The following ARL15 variants were observed in gnomAD, a reference collection of about 807,000 sequenced individuals.
The protein encoded by ARL15 is ADP-ribosylation factor-like protein 15.
In ARL15, 19 loss-of-function variants were observed where a neutral mutation model predicts 25.2. The observed-to-expected ratio is 0.75, with a 90% confidence interval of 0.53 to 1.10. The LOEUF is 1.10. ARL15 is among the 50% of genes least tolerant of loss of function. ARL15 has a pLI of 0.00. For synonymous variants in ARL15, 94 were observed against 86.8 expected (o/e 1.08, Z -0.46); for missense variants, 220 against 246.0 (o/e 0.89, Z 0.71).
intron 3 of ARL15, among the ~76,000 whole-genome samples, chr5:54,152,344 T>G (rs772077613): frequency 6.6e-6 from 1 of 152,200 alleles, no homozygotes; most frequent in Non-Finnish European, 1.5e-5. Flanking sequence ...CTACACTTTA[T>G]ACAGGTTAGC....
At chr5:53,959,845 C>A (rs1174073147) in intron 4 of ARL15, among the ~76,000 whole-genome samples, 1 of 152,136 alleles carries the variant, frequency 6.6e-6, no homozygotes, top group Non-Finnish European at 1.5e-5. Flanking sequence ...ACACTTAGCA[C>A]TATCATAGGA....
intron 2 of ARL15, among the ~76,000 whole-genome samples, chr5:54,156,379 T>A (rs1197118208): frequency 1.3e-5 from 2 of 152,176 alleles, no homozygotes; most frequent in African/African-American, 4.8e-5. Context: ...CTTCATAGGG[T>A]TGTTATAAGG....
At chr5:53,946,455 GAAAA>G (rs55727717) in intron 4 of ARL15, among the ~76,000 whole-genome samples, 2 of 43,958 alleles carry the variant, frequency 4.5e-5, no homozygotes, top group East Asian at 8.0e-4. Flanking sequence ...GTCTCAAGAG[GAAAA>G]AAAAAAAAAA....
intron 1 of ARL15, among the ~76,000 whole-genome samples, chr5:54,229,712 TC>T (rs1756616457): frequency 6.6e-6 from 1 of 152,090 alleles, no homozygotes; most frequent in Admixed American, 6.5e-5. Context: ...GAAGAAGGAG[TC>T]TAGGTTAGCA....
intron 4 of ARL15, among the ~76,000 whole-genome samples, chr5:54,084,195 C>T (rs1475125063): frequency 1.3e-5 from 2 of 152,132 alleles, no homozygotes; most frequent in Non-Finnish European, 2.9e-5. Context: ...AGCCAGTGGG[C>T]TTGGCACTCT....
chr5:53,884,267 T>A lies in ARL15; in HGVS notation c.*2294A>T, dbSNP rs1399541268. On this transcript the variant is annotated 3_prime_UTR_variant, in exon 5 of 5. Transcript: ENST00000504924. ...GAAGAAATACATAACAGACTGTTTT[T>A]CCTATATAATATTTGAATATGCAAA... The A allele has an allele frequency of 1.3e-5, 2 of 152,184 alleles. No individual in the cohort carries two copies. Among genetic ancestry groups the A allele is most frequent in the Non-Finnish European group, 2.9e-5 (2 of 68,032 alleles). The allele number at this position is 152,184 out of a possible 1,614,324, so 9.4% of individuals were successfully genotyped here. A position where few individuals can be genotyped will look rare whatever the true frequency, so the allele number is the denominator to read the frequency against.
intron 3 of ARL15, among the ~76,000 whole-genome samples, chr5:54,127,779 C>T (rs1419524854): frequency 2.0e-5 from 3 of 151,630 alleles, no homozygotes; most frequent in Non-Finnish European, 4.4e-5. Context: ...TACTACAAGG[C>T]TACAGTAACC....
At chr5:54,290,328 G>C (rs1336584487) in intron 1 of ARL15, among the ~76,000 whole-genome samples, 1 of 143,208 alleles carries the variant, frequency 7.0e-6, no homozygotes, top group Non-Finnish European at 1.5e-5. Flanking sequence ...TTTTGAGGTA[G>C]AGTCTCACTC....
chr5:54,115,401 C>T (rs1752867925), intron 3 of ARL15, among the ~76,000 whole-genome samples: 2 of 152,072 alleles, frequency 1.3e-5, no homozygotes, highest in African/African-American at 4.8e-5. Context: ...CCTGCATCAG[C>T]CTCTTGGGTA....
intron 4 of ARL15, among the ~76,000 whole-genome samples, chr5:53,933,988 TTTACTC>T (rs1746278320): frequency 6.6e-6 from 1 of 152,202 alleles, no homozygotes; most frequent in African/African-American, 2.4e-5. Context: ...TAATTTTTCT[TTTACTC>T]TAACAATTTT....
chr5:54,019,631 T>C (rs1749532454), intron 4 of ARL15, among the ~76,000 whole-genome samples: 1 of 152,244 alleles, frequency 6.6e-6, no homozygotes, highest in Non-Finnish European at 1.5e-5. Context: ...CTTCTGCATA[T>C]GCATAATTCC....
intron 1 of ARL15, among the ~76,000 whole-genome samples, chr5:54,214,808 G>A (rs912309856): frequency 1.4e-4 from 21 of 152,222 alleles, no homozygotes; most frequent in African/African-American, 5.1e-4. Context: ...GCAGGAACCT[G>A]TGACTCTTGC....
chr5:54,138,234 T>C (rs1283781524), intron 3 of ARL15, among the ~76,000 whole-genome samples: 1 of 152,046 alleles, frequency 6.6e-6, no homozygotes, highest in Non-Finnish European at 1.5e-5. Context: ...TCCCAACATT[T>C]CGGGAGGCCA....
intron 4 of ARL15, among the ~76,000 whole-genome samples, chr5:54,051,225 CA>C (rs748653549): frequency 4.6e-5 from 7 of 152,128 alleles, no homozygotes; most frequent in Non-Finnish European, 8.8e-5. Context: ...GATTTTCTCA[CA>C]AAGAAACAGA....
intron 4 of ARL15, among the ~76,000 whole-genome samples, chr5:54,038,958 A>C (rs1015238446): frequency 6.6e-6 from 1 of 152,188 alleles, no homozygotes; most frequent in Non-Finnish European, 1.5e-5. Flanking sequence ...CTCTTCCTCC[A>C]TGCTTTGTAA....
intron 4 of ARL15, among the ~76,000 whole-genome samples, chr5:53,957,502 A>T (rs1472708722): frequency 2.0e-5 from 3 of 152,074 alleles, no homozygotes; most frequent in Non-Finnish European, 4.4e-5. Context: ...CTAGATAGTA[A>T]GTCAAAGCTA....
chr5:54,053,459 G>A (rs1255005024), intron 4 of ARL15, among the ~76,000 whole-genome samples: 1 of 151,772 alleles, frequency 6.6e-6, no homozygotes, highest in African/African-American at 2.4e-5. Flanking sequence ...CTCTAAGTAT[G>A]ACCTGTTTCC....
rs576411244 is a variant in ARL15, at chr5:54,024,777, G to GAT, written c.462+88423_462+88424dup. ...AAGAATTTGTAGTGTCAAGAAAAGA[G>GAT]ATATATATACAAATACATATGTATA... On this transcript the variant is annotated intron_variant, in intron 4 of 4. Coordinates refer to ENST00000504924, the MANE Select transcript of ARL15 (RefSeq NM_019087.3). 1.6e-4 allele frequency among the ~76,000 whole-genome samples: 24 copies of GAT among 152,038 alleles called. No homozygotes were observed. In the East Asian group the frequency reaches 4.3e-3, roughly 27 times the overall value.
chr5:54,245,948 G>A (rs189638349), intron 1 of ARL15, among the ~76,000 whole-genome samples: 1 of 152,132 alleles, frequency 6.6e-6, no homozygotes, highest in Admixed American at 6.5e-5. Context: ...TGATAATATT[G>A]TATCCAATTC....
Sources: gnomAD v4.1 joint callset for allele counts (sites outside exome capture counted in the v4.1 genomes callset) on GRCh38, gnomAD v4.1.1 for gene constraint, MANE v1.5 for transcripts, NCBI Gene and HGNC (gene_info 2026-07-23, HGNC 2026-07-21) for gene names.